Variants in ACTN4 observed in about 807,000 individuals in gnomAD.
ACTN4 encodes the protein alpha-actinin-4.
Under a neutral mutation model 114.2 loss-of-function variants are expected in ACTN4, and 18 were observed. The ratio of observed to expected loss-of-function variants is 0.16; its 90% CI spans 0.11 to 0.23. ACTN4 has a LOEUF of 0.23. Ranked by LOEUF, ACTN4 falls within the 10% of genes least tolerant of loss-of-function variation. ACTN4 has a pLI of 1.00. For synonymous variants in ACTN4, 515 were observed against 506.3 expected (o/e 1.02, Z -0.23); for missense variants, 722 against 1,262.9 (o/e 0.57, Z 6.49).
intron 7 of ACTN4, among the ~76,000 whole-genome samples, 173 bp from the exon 8 acceptor site, chr19:38,710,084 G>C (rs1325171662): frequency 6.6e-6 from 1 of 152,042 alleles, no homozygotes; most frequent in Non-Finnish European, 1.5e-5. Context: ...GTCCTTTCCA[G>C]ACCCATGGGA....
At chr19:38,666,189 C>G (rs1966952930) in intron 1 of ACTN4, among the ~76,000 whole-genome samples, 1 of 151,466 alleles carries the variant, frequency 6.6e-6, no homozygotes, top group Non-Finnish European at 1.5e-5. Flanking sequence ...TTCCTGGGGT[C>G]ACTTCCTGAT....
chr19:38,711,451 G>A, intron 8 of ACTN4: 8 of 656,096 alleles, frequency 1.2e-5, no homozygotes, highest in Non-Finnish European at 1.5e-5. Flanking sequence ...TGTGGTTGGA[G>A]CCCTGGCCAG....
At chr19:38,686,965 C>CTTT (rs34122839) in intron 1 of ACTN4, among the ~76,000 whole-genome samples, 1,798 of 138,070 alleles carry the variant, frequency 0.013, 44 homozygotes, top group African/African-American at 0.044. Context: ...GGCAGAGTCT[C>CTTT]TTTTTTTTTT....
chr19:38,729,513 G>C lies in ACTN4; in HGVS notation c.*81G>C, dbSNP rs1316739884. The C allele has an allele frequency of 9.0e-7, 1 of 1,112,778 alleles. No individual in the cohort carries two copies. Among genetic ancestry groups the C allele is most frequent in the Non-Finnish European group, 1.2e-6 (1 of 827,446 alleles). The allele number at this position is 1,112,778 out of a possible 1,614,324, so 68.9% of individuals were successfully genotyped here. On this transcript the variant is annotated 3_prime_UTR_variant, in exon 21 of 21. Transcript: ENST00000252699. The stretch of plus-strand genomic sequence containing the variant: ...CCCCACAGTCCCATTCCTCCACTCT[G>C]TATCTATGCAAAGCACTCTCTGCAG...
intron 6 of ACTN4, among the ~76,000 whole-genome samples, chr19:38,708,715 G>A (rs1968543609): frequency 6.6e-6 from 1 of 152,228 alleles, no homozygotes; most frequent in African/African-American, 2.4e-5. Flanking sequence ...CATGTGCTCA[G>A]GCTGAATGGG....
Position 38,647,691 on chromosome 19 carries a change from G to T in ACTN4, c.-55G>T, listed in dbSNP as rs1044435432. ...GGTAGCGGCGGCGGCTCGGGCAGAG[G>T]GGCGGGAGCTGAGGCGGGAGCGGAC... On this transcript the variant is annotated 5_prime_UTR_variant, in exon 1 of 21. Transcript: ENST00000252699. The T allele has an allele frequency of 1.3e-6, 2 of 1,509,040 alleles. No individual in the cohort carries two copies. Among genetic ancestry groups the T allele is most frequent in the Non-Finnish European group, 8.9e-7 (1 of 1,129,692 alleles). The allele number at this position is 1,509,040 out of a possible 1,614,324, so 93.5% of individuals were successfully genotyped here.
intron 1 of ACTN4, among the ~76,000 whole-genome samples, chr19:38,648,427 G>A (rs1007023943): frequency 3.3e-5 from 5 of 151,972 alleles, no homozygotes; most frequent in South Asian, 2.1e-4. Context: ...GGTTGGGGGA[G>A]TTATAAAGGG....
In ACTN4 at chr19:38,700,615, T is replaced by A; in HGVS notation, c.178T>A (p.Cys60Ser). ...GCTTCCCCAGACCTTCACGGCATGG[T>A]GCAACTCCCACCTGCGGAAGGCAGG... ...KQQRKTFTAW[C>S]NSHLRKAGTQ... The change falls in exon 2 of 21, where the codon TGC becomes AGC. Residue 60 changes from cysteine (C) to serine (S), a missense_variant. By Grantham distance (112) the Cys-to-Ser change is moderately radical (BLOSUM62 -1). Coordinates refer to ENST00000252699, the MANE Select transcript of ACTN4 (RefSeq NM_004924.6). The A allele has an allele frequency of 6.2e-7, 1 of 1,614,008 alleles. No individual in the cohort carries two copies. The highest frequency in any genetic ancestry group is 1.1e-5 in the South Asian group (1 of 91,066).
Position 38,659,065 on chromosome 19 carries a change from C to CTTTTTTTTTCT in ACTN4, c.162+11167_162+11168insCTTTTTTTTTT, listed in dbSNP as rs1976797712. ...TAACTTTTTTTTCTTCTTTTCTTTTCTTTTTTTTTTTTTGAGACGGAGTCT... is the reference window on the plus strand; with the variant it reads ...TAACTTTTTTTTCTTCTTTTCTTTTCTTTTTTTTTCTTTTTTTTTTTTTTGAGACGGAGTCT... On this transcript the variant is annotated intron_variant, in intron 1 of 20. Coordinates refer to ENST00000252699, the MANE Select transcript of ACTN4 (RefSeq NM_004924.6). Among the ~76,000 whole-genome samples the CTTTTTTTTTCT allele has an allele frequency of 4.5e-5, 5 of 111,692 alleles. No homozygotes were observed. The South Asian group carries it at 1.5e-3, about 33-fold the overall frequency. The allele number at this position is 111,692 out of a possible 152,430, so 73.3% of individuals were successfully genotyped here. A position where few individuals can be genotyped will look rare whatever the true frequency, so the allele number is the denominator to read the frequency against.
intron 5 of ACTN4, among the ~76,000 whole-genome samples, chr19:38,707,435 A>G (rs1287273422): frequency 1.3e-5 from 2 of 152,246 alleles, no homozygotes; most frequent in Admixed American, 1.3e-4. Flanking sequence ...AGATGAAGAA[A>G]GTTCCCTGGG....
At chr19:38,706,274 G>A (rs1471310901) in intron 5 of ACTN4, 143 bp downstream of exon 5, 2 of 863,148 alleles carry the variant, frequency 2.3e-6, no homozygotes, top group South Asian at 1.4e-5. Context: ...GGCCCTACAA[G>A]CCCATGGGAA....
At chr19:38,702,046 TCA>T (rs1968295785) in intron 3 of ACTN4, among the ~76,000 whole-genome samples, 1 of 152,160 alleles carries the variant, frequency 6.6e-6, no homozygotes, top group African/African-American at 2.4e-5. Flanking sequence ...TTTAAAAAAA[TCA>T]CAACCCAAAA....
Position 38,724,661 on chromosome 19 carries a change from C to T in ACTN4, c.2010+96C>T, listed in dbSNP as rs926836093. 31 of 1,584,346 alleles carry T rather than the reference C, an allele frequency of 2.0e-5. No individual in the cohort carries two copies. Among genetic ancestry groups the T allele is most frequent in the South Asian group, 5.5e-5 (5 of 90,296 alleles). On this transcript the variant is annotated intron_variant, in intron 16 of 20. Coordinates refer to ENST00000252699, the MANE Select transcript of ACTN4 (RefSeq NM_004924.6). The surrounding 1 kb of genome is among the most constrained non-coding windows in gnomAD (Gnocchi z 7.0). ...CCAGCCCAGGGCCTGCAGACTGAGG[C>T]GCCTGGCAGAGCAGGTCCCAATTCT...
chr19:38,728,498 G>T (rs1332764452), intron 19 of ACTN4: 1 of 725,280 alleles, frequency 1.4e-6, no homozygotes, highest in Non-Finnish European at 2.0e-6. Context: ...CGTCCTCGGG[G>T]ACACTCCTCC....
chr19:38,697,568 G>A lies in ACTN4; in HGVS notation c.163-3032G>A, dbSNP rs569484851. 2.5e-4 allele frequency among the ~76,000 whole-genome samples: 38 copies of A among 152,362 alleles called. No individual in the cohort carries two copies. In the South Asian group the frequency reaches 7.7e-3, roughly 31 times the overall value. On this transcript the variant is annotated intron_variant, in intron 1 of 20. Coordinates refer to ENST00000252699, the MANE Select transcript of ACTN4 (RefSeq NM_004924.6). ...AAACATGGAATGAGTAAGCCAAGGG[G>A]CAGGTATTCAAACCCAAACCCAGGT...
intron 3 of ACTN4, among the ~76,000 whole-genome samples, chr19:38,704,099 G>A (rs1968374004): frequency 6.6e-6 from 1 of 152,224 alleles, no homozygotes; most frequent in Non-Finnish European, 1.5e-5. Context: ...GATCACTTGA[G>A]CAGGAGTTTG....
intron 2 of ACTN4, 58 bp from the exon 3 acceptor site, chr19:38,700,944 C>G (rs1968252095): frequency 6.2e-7 from 1 of 1,603,738 alleles, no homozygotes; most frequent in Admixed American, 1.7e-5. Flanking sequence ...CCCTCTCGCC[C>G]TCTCTCCCTT....
rs1568762723 is a variant in ACTN4, at chr19:38,731,193, G to T, written c.*1761G>T. 6.2e-7 allele frequency: 1 copy of T among 1,612,894 alleles called. No homozygotes were observed. Among genetic ancestry groups the T allele is most frequent in the Non-Finnish European group, 8.5e-7 (1 of 1,180,026 alleles). ...GCTATCCCGGTAGCGGCTGGTGAGG[G>T]TCTGGGTCAGCTGGTTGTTCAGGTG... On this transcript the variant is annotated 3_prime_UTR_variant, in exon 21 of 21. Coordinates refer to ENST00000252699, the MANE Select transcript of ACTN4 (RefSeq NM_004924.6).
intron 1 of ACTN4, 111 bp downstream of exon 1, chr19:38,648,018 C>T: frequency 7.9e-7 from 1 of 1,259,728 alleles, no homozygotes; most frequent in African/African-American, 1.6e-5. Flanking sequence ...ACGGGGGGGT[C>T]CCGAGAAGGA....
Sources: gnomAD v4.1 joint callset for allele counts (sites outside exome capture counted in the v4.1 genomes callset) on GRCh38, gnomAD v4.1.1 for gene constraint, Gnocchi (gnomAD v3.1) non-coding constraint, MANE v1.5 for transcripts, NCBI Gene and HGNC (gene_info 2026-07-23, HGNC 2026-07-21) for gene names.